P2RX4: variants seen among roughly 807,000 people sequenced by gnomAD.
The protein encoded by P2RX4 is purinergic receptor P2X 4.
A neutral mutation model predicts 48.0 loss-of-function variants in P2RX4; 37 were observed. The observed-to-expected ratio is 0.77, with a 90% confidence interval of 0.59 to 1.01. P2RX4 has a LOEUF of 1.01. Among genes scored for constraint, P2RX4 ranks in the 50% least tolerant of loss-of-function variants. The pLI is 0.00. For synonymous variants in P2RX4, 200 were observed against 199.7 expected (o/e 1.00, Z -0.01); for missense variants, 501 against 521.4 (o/e 0.96, Z 0.38).
intron 5 of P2RX4, among the ~76,000 whole-genome samples, chr12:121,225,861 G>A (rs11065498): frequency 3.2e-4 from 48 of 152,186 alleles, no homozygotes; most frequent in Non-Finnish European, 5.7e-4. Context: ...TTAAGTTGGA[G>A]TGTGGCTTGT....
chr12:121,232,819 C>T lies in P2RX4; in HGVS notation c.1044+143C>T. The T allele has an allele frequency of 1.1e-6, 1 of 881,302 alleles. No individual in the cohort carries two copies. The highest frequency in any genetic ancestry group is 1.9e-6 in the Non-Finnish European group (1 of 527,526). The allele number at this position is 881,302 out of a possible 1,614,324, so 54.6% of individuals were successfully genotyped here. A position where few individuals can be genotyped will look rare whatever the true frequency, so the allele number is the denominator to read the frequency against. ...TTCTTTCCCTTGGCCCCCAGCCCTC[C>T]TCCCACCTTCCCTTCTCCAAGACCA... On this transcript the variant is annotated intron_variant, in intron 10 of 11. Transcript: ENST00000337233. This position sits in a 1 kb window ranked among gnomAD's most constrained non-coding sequence, Gnocchi z 4.3.
chr12:121,217,083 C>T, intron 1 of P2RX4, 51 bp from the exon 2 acceptor site: 1 of 1,588,066 alleles, frequency 6.3e-7, no homozygotes, highest in Non-Finnish European at 8.6e-7. Context: ...CCCATCAATT[C>T]AAATCCATTG....
At position 121,222,967 on chromosome 12, in the gene P2RX4, G is replaced by A. The variant is rs145814749; in HGVS notation, c.448G>A (p.Val150Ile). The A allele has an allele frequency of 5.6e-4, 905 of 1,613,036 alleles. No individual in the cohort carries two copies. Among genetic ancestry groups the A allele is most frequent in the Non-Finnish European group, 7.3e-4 (861 of 1,179,162 alleles). Residue 150 changes from valine (V) to isoleucine (I), a missense_variant, in exon 5 of 12, where the codon GTA (valine) becomes ATA (isoleucine). Transcript: ENST00000337233. ...TGTAGGAGTCTCAACAGGCAGGTGC[G>A]TAGCTTTCAACGGGTCTGTCAAGAC... The part of the protein sequence containing the change: ...HSNGVSTGRC[V>I]AFNGSVKTCE...
intron 2 of P2RX4, among the ~76,000 whole-genome samples, chr12:121,220,424 C>G (rs1342001988): frequency 1.3e-5 from 2 of 151,930 alleles, no homozygotes; most frequent in African/African-American, 4.8e-5. Flanking sequence ...TCACTTGAGG[C>G]CAGGAGTTGG....
chr12:121,216,583 G>A (rs1886238021), intron 1 of P2RX4: 1 of 254,132 alleles, frequency 3.9e-6, no homozygotes, highest in Non-Finnish European at 7.8e-6. Flanking sequence ...CACTTTGGGA[G>A]GTCGAGGTGG....
intron 5 of P2RX4, 61 bp from the exon 6 acceptor site, chr12:121,228,472 A>C: frequency 1.1e-6 from 1 of 921,252 alleles, no homozygotes; most frequent in Non-Finnish European, 1.7e-6. Flanking sequence ...TATATATATA[A>C]CATGGTTATG....
Position 121,221,979 on chromosome 12 carries a change from C to T in P2RX4, c.349C>T (p.Pro117Ser). 1 of 1,614,182 alleles carries T rather than the reference C, an allele frequency of 6.2e-7. No homozygotes were observed. The highest frequency in any genetic ancestry group is 8.5e-7 in the Non-Finnish European group (1 of 1,179,992). ...LTMNQTQGLC[P>S]EIPDATTVCK... ...CATGAACCAGACACAGGGCCTGTGCCCCGAGGTAGGAGGCCCCCGGGAAGA... is the reference window on the plus strand; with the variant it reads ...CATGAACCAGACACAGGGCCTGTGCTCCGAGGTAGGAGGCCCCCGGGAAGA... Residue 117 changes from proline to serine, a missense_variant, in exon 3 of 12, where the codon CCC (proline) becomes TCC (serine). By Grantham distance (74) the Pro-to-Ser change is moderately conservative. Around this residue, in one of 3 missense-constraint regions of P2RX4, gnomAD observed 295 missense variants for 275.3 expected, o/e 1.07. Transcript: ENST00000337233.
chr12:121,212,243 G>A (rs2136210902), intron 1 of P2RX4, among the ~76,000 whole-genome samples: 1 of 152,218 alleles, frequency 6.6e-6, no homozygotes, highest in East Asian at 1.9e-4. Context: ...GTATTCAAGA[G>A]GATGGCTTTC....
intron 8 of P2RX4, among the ~76,000 whole-genome samples, chr12:121,230,984 T>A (rs1169807): frequency 0.063 from 4,922 of 78,454 alleles, 218 homozygotes; most frequent in African/African-American, 0.2. Flanking sequence ...ATATATATAT[T>A]TTTTTTTTTT....
In P2RX4 at chr12:121,222,891, A is replaced by G; in HGVS notation, c.428-56A>G. The stretch of plus-strand genomic sequence containing the variant: ...CTCTCACTCCCTACTCCAAAAAGGT[A>G]GAAAATAGGAGACCCCTGTGGACAT... On this transcript the variant is annotated intron_variant, in intron 4 of 11. Coordinates refer to ENST00000337233, the MANE Select transcript of P2RX4 (RefSeq NM_002560.3). 5.5e-6 allele frequency: 8 copies of G among 1,459,190 alleles called. No homozygotes were observed. In the South Asian group the frequency reaches 5.9e-5, roughly 11 times the overall value. 90.4% of individuals were successfully genotyped at this position (1,459,190 alleles called of 1,614,324 possible). A position where few individuals can be genotyped will look rare whatever the true frequency, so the allele number is the denominator to read the frequency against.
At chr12:121,210,384 G>A in intron 1 of P2RX4, 86 bp downstream of exon 1, 2 of 1,274,138 alleles carry the variant, frequency 1.6e-6, no homozygotes, top group Non-Finnish European at 2.0e-6. Flanking sequence ...TCGGTCACCT[G>A]GGCGAGTCCG....
intron 1 of P2RX4, 187 bp from the exon 2 acceptor site, chr12:121,216,947 T>TTTA (rs751769351): frequency 1.4e-6 from 1 of 715,274 alleles, no homozygotes; most frequent in South Asian, 1.5e-5. Flanking sequence ...AACCCTCCTG[T>TTTA]GGTTTAGGTG....
chr12:121,223,088 GT>G, intron 5 of P2RX4, 45 bp downstream of exon 5: 1 of 1,254,320 alleles, frequency 8.0e-7, no homozygotes, highest in Non-Finnish European at 1.2e-6. Flanking sequence ...GTTTTGTTTT[GT>G]TTTAGACACA....
chr12:121,210,454 CGGGGGCG>C, intron 1 of P2RX4, among the ~76,000 whole-genome samples, 156 bp downstream of exon 1: 1 of 152,170 alleles, frequency 6.6e-6, no homozygotes, highest in East Asian at 1.9e-4. Context: ...GCCGGGGCCC[CGGGGGCG>C]GGAGGCTGCT....
In P2RX4 at chr12:121,231,914, A is replaced by G. The variant is rs761148625; in HGVS notation, c.885-500A>G. 2.6e-5 allele frequency among the ~76,000 whole-genome samples: 4 copies of G among 151,138 alleles called. No homozygotes were observed. In the South Asian group the frequency reaches 8.4e-4, roughly 32 times the overall value. The stretch of plus-strand genomic sequence containing the variant: ...CAGCTACTCGGGAGGCTGAGGCAGA[A>G]GAATTGCTTGAACTGGGGAGGTGGA... On this transcript the variant is annotated intron_variant, in intron 8 of 11. Coordinates refer to ENST00000337233, the MANE Select transcript of P2RX4 (RefSeq NM_002560.3).
At chr12:121,225,660 C>A (rs1369800628) in intron 5 of P2RX4, among the ~76,000 whole-genome samples, 4 of 152,196 alleles carry the variant, frequency 2.6e-5, no homozygotes, top group South Asian at 2.1e-4. Flanking sequence ...ATCCACCTGC[C>A]TTGGCCTCCC....
chr12:121,211,016 C>A (rs1281691705), intron 1 of P2RX4, among the ~76,000 whole-genome samples: 1 of 152,084 alleles, frequency 6.6e-6, no homozygotes, highest in Non-Finnish European at 1.5e-5. Context: ...GTGGTAGTAG[C>A]GAGGTCAGAC....
rs543285227 is a variant in P2RX4, at chr12:121,230,982, A to T, written c.885-1432A>T. Among the ~76,000 whole-genome samples, 88 of 113,248 alleles carry T rather than the reference A, an allele frequency of 7.8e-4. 1 individual carries two copies. Among genetic ancestry groups the T allele is most frequent in the East Asian group, 2.5e-3 (11 of 4,414 alleles). The allele number at this position is 113,248 out of a possible 152,430, so 74.3% of individuals were successfully genotyped here. On this transcript the variant is annotated intron_variant, in intron 8 of 11. Transcript: ENST00000337233. ...ATATATATAGCCATTATATATATAT[A>T]TTTTTTTTTTTTTCTTCTTTTTTAA...
intron 4 of P2RX4, chr12:121,222,721 A>G (rs1566004845): frequency 3.4e-6 from 5 of 1,484,846 alleles, no homozygotes; most frequent in Non-Finnish European, 4.5e-6. Context: ...CTCTTGTCCC[A>G]TTCTTTAGCT....
Sources: gnomAD v4.1 joint callset for allele counts (sites outside exome capture counted in the v4.1 genomes callset) on GRCh38, gnomAD v4.1.1 for gene constraint, gnomAD v4.1.1 regional missense constraint, Gnocchi (gnomAD v3.1) non-coding constraint, MANE v1.5 for transcripts, NCBI Gene and HGNC (gene_info 2026-07-23, HGNC 2026-07-21) for gene names.